NAT1: variants seen among roughly 807,000 people sequenced by gnomAD.
NAT1 encodes the protein N-acetyltransferase 1.
For synonymous variants in NAT1, 144 were observed against 122.6 expected (o/e 1.17, Z -1.16); for missense variants, 400 against 339.2 (o/e 1.18, Z -1.41).
In NAT1 at chr8:18,219,509, G is replaced by C. The variant is rs1295162470; in HGVS notation, c.-7+20G>C. The C allele has an allele frequency of 6.8e-7, 1 of 1,468,398 alleles. No homozygotes were observed. Among genetic ancestry groups the C allele is most frequent in the Non-Finnish European group, 9.3e-7 (1 of 1,076,644 alleles). The allele number at this position is 1,468,398 out of a possible 1,614,324, so 91.0% of individuals were successfully genotyped here. On this transcript the variant is annotated intron_variant, in intron 2 of 2. Transcript: ENST00000307719. Reference sequence around the variant, plus strand: ...AGAAAGGTATTAAGCGCCTTTCTGAGAGCTCTCAGTGGGCTTCCTAAGCAC... The same window carrying C: ...AGAAAGGTATTAAGCGCCTTTCTGACAGCTCTCAGTGGGCTTCCTAAGCAC...
upstream of NAT1, among the ~76,000 whole-genome samples, chr8:18,205,931 G>T (rs1290256571): frequency 6.6e-6 from 1 of 152,206 alleles, no homozygotes; most frequent in African/African-American, 2.4e-5. Flanking sequence ...AGACCACCCT[G>T]CAGAGTTCAG....
chr8:18,172,713 T>TTATA (rs1284457992), intron 2 of NAT1, among the ~76,000 whole-genome samples: 1 of 152,224 alleles, frequency 6.6e-6, no homozygotes, highest in African/African-American at 2.4e-5. Context: ...CCTTGAAAGA[T>TTATA]TATAGCTTAT....
At chr8:18,196,424 G>T (rs10113445) in intron 2 of NAT1, among the ~76,000 whole-genome samples, 4,351 of 152,112 alleles carry the variant, frequency 0.029, 165 homozygotes, top group African/African-American at 0.088. Context: ...AATAAGTTGT[G>T]CCTCTATAAA....
chr8:18,193,696 C>A (rs1803115063), intron 2 of NAT1, among the ~76,000 whole-genome samples: 1 of 121,152 alleles, frequency 8.3e-6, no homozygotes, highest in Admixed American at 1.1e-4. Flanking sequence ...GGCTGGAGTG[C>A]AATGGTACGA....
chr8:18,212,789 G>C (rs1804228787), intron 1 of NAT1: 1 of 152,338 alleles, frequency 6.6e-6, no homozygotes, highest in Admixed American at 6.5e-5. Flanking sequence ...GTTATTGAAA[G>C]TATTCTTTCT....
chr8:18,185,660 A>C (rs1055539608), intron 2 of NAT1, among the ~76,000 whole-genome samples: 3 of 151,744 alleles, frequency 2.0e-5, no homozygotes, highest in South Asian at 4.2e-4. Flanking sequence ...TATTCTTTTC[A>C]TTCATTCTTC....
chr8:18,193,273 G>T (rs1803091042), intron 2 of NAT1, among the ~76,000 whole-genome samples: 1 of 148,862 alleles, frequency 6.7e-6, no homozygotes, highest in Non-Finnish European at 1.5e-5. Context: ...TAGAGATGGG[G>T]TTTCCCTGTG....
At chr8:18,175,342 T>C (rs1291480163) in intron 2 of NAT1, among the ~76,000 whole-genome samples, 1 of 152,092 alleles carries the variant, frequency 6.6e-6, no homozygotes, top group Non-Finnish European at 1.5e-5. Flanking sequence ...TTCGTACCCT[T>C]TGATCAACAT....
chr8:18,195,824 C>T (rs1803205588), intron 2 of NAT1, among the ~76,000 whole-genome samples: 1 of 151,944 alleles, frequency 6.6e-6, no homozygotes, highest in Non-Finnish European at 1.5e-5. Context: ...AGGAACTTCT[C>T]CTTGCATTCT....
Position 18,179,901 on chromosome 8 carries a change from AT to A in NAT1, n.92+9163del, listed in dbSNP as rs199544261. Among the ~76,000 whole-genome samples the A allele has an allele frequency of 9.7e-3, 1,480 of 152,300 alleles. 18 individuals are homozygous for A. The highest frequency in any genetic ancestry group is 0.034 in the African/African-American group (1,395 of 41,584). ...ATGATTTGCAGTGTAGAAAGATTAA[AT>A]CTTAAGCAACTTTACAAGATATACA... On this transcript the variant is annotated intron_variant and non_coding_transcript_variant, in intron 2 of 4. Transcript: ENST00000517441.
At chr8:18,184,045 G>GT (rs1802629812) in intron 2 of NAT1, among the ~76,000 whole-genome samples, 1 of 152,060 alleles carries the variant, frequency 6.6e-6, no homozygotes, top group African/African-American at 2.4e-5. Context: ...GGGCGGGGTG[G>GT]TGGGGGGGTC....
chr8:18,213,908 G>A (rs1352020264), intron 1 of NAT1, among the ~76,000 whole-genome samples: 1 of 151,668 alleles, frequency 6.6e-6, no homozygotes, highest in East Asian at 1.9e-4. Flanking sequence ...CCGCTTCCTG[G>A]GTTCACGCCA....
chr8:18,209,150 C>T (rs1803867524), upstream of NAT1, among the ~76,000 whole-genome samples: 1 of 152,178 alleles, frequency 6.6e-6, no homozygotes, highest in Non-Finnish European at 1.5e-5. Context: ...CCTCCAACTC[C>T]CAACATCCTG....
chr8:18,215,687 G>A (rs1274498207), intron 1 of NAT1, among the ~76,000 whole-genome samples: 1 of 151,270 alleles, frequency 6.6e-6, no homozygotes, highest in Non-Finnish European at 1.5e-5. Context: ...ACTTTTGCAT[G>A]TTATGTCTTT....
intron 2 of NAT1, among the ~76,000 whole-genome samples, chr8:18,174,081 C>T (rs970177689): frequency 4.6e-5 from 7 of 151,996 alleles, no homozygotes; most frequent in East Asian, 3.9e-4. Flanking sequence ...GGCTCACTGG[C>T]GCCCTAGGGT....
Position 18,171,795 on chromosome 8 carries a change from C to T in NAT1, n.92+1056C>T, listed in dbSNP as rs17126279. ...CAACAAGGAGTATTTCCTTTAGGGA[C>T]TGAAACAGTATTAACTTATAGCCTG... On this transcript the variant is annotated intron_variant and non_coding_transcript_variant, in intron 2 of 4. Coordinates refer to the NAT1 transcript ENST00000517441. 7.3e-3 allele frequency among the ~76,000 whole-genome samples: 1,117 copies of T among 152,256 alleles called. 14 individuals carry two copies. The highest frequency in any genetic ancestry group is 0.025 in the African/African-American group (1,056 of 41,554).
At chr8:18,177,366 A>G (rs760615129) in intron 2 of NAT1, among the ~76,000 whole-genome samples, 39 of 152,248 alleles carry the variant, frequency 2.6e-4, no homozygotes, top group Non-Finnish European at 4.6e-4. Context: ...TTATATAGTT[A>G]TATGAGCATT....
intron 1 of NAT1, chr8:18,212,198 C>T (rs1408687026): frequency 2.0e-5 from 3 of 152,146 alleles, no homozygotes; most frequent in Non-Finnish European, 4.4e-5. Context: ...GGGTACCAAT[C>T]CAAGAATGTG....
intron 2 of NAT1, among the ~76,000 whole-genome samples, chr8:18,185,963 C>T (rs777594209): frequency 7.2e-5 from 11 of 152,094 alleles, no homozygotes; most frequent in Non-Finnish European, 1.5e-4. Flanking sequence ...TTTAAGTCCT[C>T]TTTTTGTTAT....
Sources: gnomAD v4.1 joint callset for allele counts (sites outside exome capture counted in the v4.1 genomes callset) on GRCh38, gnomAD v4.1.1 for gene constraint, MANE v1.5 for transcripts, NCBI Gene and HGNC (gene_info 2026-07-23, HGNC 2026-07-21) for gene names.